The following BANK1 variants were observed in gnomAD, a reference collection of about 807,000 sequenced individuals.
BANK1 encodes the protein B-cell scaffold protein with ankyrin repeats.
A neutral mutation model predicts 94.5 loss-of-function variants in BANK1; 95 were observed. The ratio of observed to expected loss-of-function variants is 1.00; its 90% CI spans 0.85 to 1.19. The LOEUF (loss-of-function observed/expected upper bound fraction) is 1.19. Ranked by LOEUF, BANK1 falls within the 50% of genes most tolerant of loss-of-function variation. BANK1 has a pLI of 0.00. For synonymous variants in BANK1, 334 were observed against 308.4 expected (o/e 1.08, Z -0.87); for missense variants, 987 against 932.2 (o/e 1.06, Z -0.77).
Position 101,966,230 on chromosome 4 carries a change from C to T in BANK1, c.1206+48041C>T, listed in dbSNP as rs376972492. 1.4e-4 allele frequency among the ~76,000 whole-genome samples: 22 copies of T among 152,026 alleles called. No homozygotes were observed. The East Asian group carries it at 1.7e-3, about 12-fold the overall frequency. ...TTCTAACAAACATTTTCTCCATCTT[C>T]CCCTCCTCTTCCTTCTTCCTTTTTG... On this transcript the variant is annotated intron_variant, in intron 7 of 16. Transcript: ENST00000322953.
intron 13 of BANK1, among the ~76,000 whole-genome samples, chr4:102,067,177 G>A (rs1336205725): frequency 6.6e-6 from 1 of 151,710 alleles, no homozygotes. Flanking sequence ...ACCTATAGAG[G>A]AAATAAAATA....
At chr4:101,819,420 T>G (rs1029168975) in intron 1 of BANK1, among the ~76,000 whole-genome samples, 3 of 152,140 alleles carry the variant, frequency 2.0e-5, no homozygotes, top group African/African-American at 7.2e-5. Context: ...TTATAGCAAC[T>G]TAAGTAAGTT....
At position 102,008,319 on chromosome 4, in the gene BANK1, C is replaced by T. The variant is rs192988793; in HGVS notation, c.1207-13195C>T. Reference sequence around the variant, plus strand: ...CCTTGCTGGATTCATATGAGGATCACGATATCGGTGAAACTCCTTTGAAAA... The same window carrying T: ...CCTTGCTGGATTCATATGAGGATCATGATATCGGTGAAACTCCTTTGAAAA... On this transcript the variant is annotated intron_variant, in intron 7 of 16. Transcript: ENST00000322953. Among the ~76,000 whole-genome samples the T allele has an allele frequency of 6.6e-5, 10 of 152,290 alleles. No individual in the cohort carries two copies. The South Asian group carries it at 1.7e-3, about 25-fold the overall frequency.
At position 101,908,090 on chromosome 4, in the gene BANK1, A is replaced by G. The variant is rs77874063; in HGVS notation, c.1010-9903A>G. 4.7e-3 allele frequency among the ~76,000 whole-genome samples: 720 copies of G among 152,368 alleles called. 13 individuals are homozygous for G. In the East Asian group the frequency reaches 0.058, roughly 12 times the overall value. ...CATATGGAACCAAAAAAGAGCCCGC[A>G]TTGCCAAGTCAATCCTAAACCAAAT... On this transcript the variant is annotated intron_variant, in intron 6 of 16. Coordinates refer to ENST00000322953, the MANE Select transcript of BANK1 (RefSeq NM_017935.5).
chr4:101,925,366 T>C (rs1047132862), intron 7 of BANK1, among the ~76,000 whole-genome samples: 4 of 151,718 alleles, frequency 2.6e-5, no homozygotes, highest in Non-Finnish European at 5.9e-5. Context: ...ATAGCTGCTA[T>C]GAATGCAATC....
At chr4:102,016,731 C>A (rs1245819585) in intron 7 of BANK1, among the ~76,000 whole-genome samples, 6 of 152,218 alleles carry the variant, frequency 3.9e-5, no homozygotes, top group Admixed American at 3.9e-4. Flanking sequence ...ATTTTTCTGA[C>A]ATATCTCCCT....
At chr4:102,007,628 A>G (rs539757605) in intron 7 of BANK1, among the ~76,000 whole-genome samples, 1 of 152,270 alleles carries the variant, frequency 6.6e-6, no homozygotes, top group East Asian at 1.9e-4. Context: ...TAGTACATCT[A>G]TCAGAAAATA....
At chr4:101,958,689 C>T (rs1724456693) in intron 7 of BANK1, among the ~76,000 whole-genome samples, 1 of 152,210 alleles carries the variant, frequency 6.6e-6, no homozygotes, top group South Asian at 2.1e-4. Context: ...AGCATGTGGA[C>T]ATAAGGATGT....
chr4:101,973,115 C>T (rs2148923942), intron 7 of BANK1, among the ~76,000 whole-genome samples: 1 of 151,900 alleles, frequency 6.6e-6, no homozygotes. Context: ...GAGTATTGTA[C>T]ATTCCAAATT....
At chr4:101,899,678 G>A (rs569522474) in intron 6 of BANK1, among the ~76,000 whole-genome samples, 1 of 152,258 alleles carries the variant, frequency 6.6e-6, no homozygotes, top group African/African-American at 2.4e-5. Context: ...GTTGGAGGCT[G>A]TGAGTACAAA....
At chr4:101,900,256 G>T (rs1469293161) in intron 6 of BANK1, among the ~76,000 whole-genome samples, 1 of 152,144 alleles carries the variant, frequency 6.6e-6, no homozygotes, top group Non-Finnish European at 1.5e-5. Context: ...AAGTCACTGA[G>T]AGTAACAGAG....
chr4:101,936,884 T>C (rs1048687663), intron 7 of BANK1, among the ~76,000 whole-genome samples: 1 of 151,638 alleles, frequency 6.6e-6, no homozygotes, highest in Non-Finnish European at 1.5e-5. Context: ...ACAACCACTA[T>C]GGAGAACAGT....
At chr4:101,965,054 T>G (rs896352201) in intron 7 of BANK1, among the ~76,000 whole-genome samples, 6 of 151,458 alleles carry the variant, frequency 4.0e-5, no homozygotes, top group South Asian at 2.1e-4. Context: ...CTGAGAATGA[T>G]GATTTCCAAT....
At chr4:102,024,842 CATTT>C (rs1205121226) in intron 8 of BANK1, among the ~76,000 whole-genome samples, 3 of 152,030 alleles carry the variant, frequency 2.0e-5, no homozygotes, top group Non-Finnish European at 4.4e-5. Flanking sequence ...CGTTTTCCAT[CATTT>C]ATTATTTTAT....
chr4:101,842,981 G>A (rs959264094), intron 2 of BANK1, among the ~76,000 whole-genome samples: 1 of 152,130 alleles, frequency 6.6e-6, no homozygotes, highest in African/African-American at 2.4e-5. Flanking sequence ...ATCTTCTCAT[G>A]CTAAATGAGC....
intron 7 of BANK1, among the ~76,000 whole-genome samples, chr4:102,001,145 C>A (rs1726054070): frequency 6.6e-6 from 1 of 152,156 alleles, no homozygotes; most frequent in South Asian, 2.1e-4. Context: ...TCTAGAATAT[C>A]AAAGGAGCAA....
chr4:102,067,490 A>C (rs1028291857), intron 13 of BANK1, among the ~76,000 whole-genome samples: 3 of 152,080 alleles, frequency 2.0e-5, no homozygotes, highest in Admixed American at 6.6e-5. Context: ...TAGTAAACAT[A>C]AGCATAAGAA....
At chr4:101,864,223 G>A (rs1359454023) in intron 4 of BANK1, among the ~76,000 whole-genome samples, 3 of 152,068 alleles carry the variant, frequency 2.0e-5, no homozygotes, top group Non-Finnish European at 4.4e-5. Flanking sequence ...CAAAATGTTG[G>A]CTGCTTTGTA....
intron 1 of BANK1, among the ~76,000 whole-genome samples, chr4:101,792,256 C>CCG (rs35818853): frequency 6.5e-5 from 2 of 30,554 alleles, no homozygotes; most frequent in East Asian, 2.7e-3. Flanking sequence ...GCATTCCGCT[C>CCG]CCCCCCCGCC....
Sources: allele counts gnomAD v4.1 joint callset (sites outside exome capture counted in the v4.1 genomes callset), GRCh38; gene constraint gnomAD v4.1.1; transcripts MANE v1.5; gene names NCBI Gene and HGNC (gene_info 2026-07-23, HGNC 2026-07-21).